The following SMCO1 variants were observed in gnomAD, a reference collection of about 807,000 sequenced individuals.
The protein encoded by SMCO1 is single-pass membrane protein with coiled-coil domains 1, also known as single-pass membrane and coiled-coil domain-containing protein 1.
In SMCO1, 9 loss-of-function variants were observed where a neutral mutation model predicts 7.5. The observed-to-expected ratio is 1.20, with a 90% CI of 0.72 to 2.09. The LOEUF (loss-of-function observed/expected upper bound fraction) is 2.09, where lower values mean the gene tolerates loss of function less well. SMCO1 is among the 30% of genes most tolerant of loss of function. The probability of loss-of-function intolerance (pLI) is 0.00; values close to 1 mark genes in which losing one functional copy is unlikely to be tolerated. For missense variants in SMCO1, 219 were observed against 253.1 expected (o/e 0.87, Z 0.91); for synonymous variants, 90 against 93.8 (o/e 0.96, Z 0.23).
intron 1 of SMCO1, 22 bp downstream of exon 1, chr3:196,515,138 C>G: frequency 1.2e-6 from 2 of 1,613,432 alleles, no homozygotes; most frequent in Non-Finnish European, 1.7e-6. Flanking sequence ...ATGCTTGCTC[C>G]CTCCCTATAG....
At chr3:196,512,868 C>T (rs551170794) in intron 1 of SMCO1, among the ~76,000 whole-genome samples, 47 of 152,284 alleles carry the variant, frequency 3.1e-4, no homozygotes, top group African/African-American at 1.1e-3. Flanking sequence ...TCAAACTCAA[C>T]TCTCCTAAGC....
At chr3:196,513,627 C>CAAAAAAAA (rs63105160) in intron 1 of SMCO1, among the ~76,000 whole-genome samples, 2 of 93,774 alleles carry the variant, frequency 2.1e-5, no homozygotes, top group Non-Finnish European at 2.0e-5. Context: ...GACTCTGTCT[C>CAAAAAAAA]AAAAAAAAAA....
chr3:196,515,449 A>G (rs754485504), upstream of SMCO1: 67 of 507,774 alleles, frequency 1.3e-4, no homozygotes, highest in Non-Finnish European at 2.2e-4. Context: ...GCACTATAAC[A>G]TTTGCCTTTG....
intron 1 of SMCO1, among the ~76,000 whole-genome samples, chr3:196,512,745 C>A (rs998935439): frequency 6.6e-6 from 1 of 151,772 alleles, no homozygotes; most frequent in South Asian, 2.1e-4. Flanking sequence ...TGACCTCAGG[C>A]GATCCGCCCA....
At chr3:196,509,496 A>G (rs1733158196) in intron 2 of SMCO1, 24 bp downstream of exon 2, 3 of 1,588,918 alleles carry the variant, frequency 1.9e-6, no homozygotes, top group African/African-American at 2.7e-5. Context: ...ACAGAATCCC[A>G]CTGATTTCTC....
At chr3:196,508,469 A>G (rs1230095747) in intron 2 of SMCO1, 138 bp from the exon 3 acceptor site, 17 of 697,268 alleles carry the variant, frequency 2.4e-5, no homozygotes, top group Admixed American at 3.5e-5. Flanking sequence ...TTACTTTAGA[A>G]TTTAAATTCA....
At chr3:196,512,509 C>CTTTTTTT (rs36023059) in intron 1 of SMCO1, among the ~76,000 whole-genome samples, 94 of 114,006 alleles carry the variant, frequency 8.2e-4, no homozygotes, top group African/African-American at 3.4e-3. Flanking sequence ...TATTTCCTTT[C>CTTTTTTT]TTTTTTTTTT....
intron 1 of SMCO1, among the ~76,000 whole-genome samples, chr3:196,510,061 G>A (rs2108661577): frequency 6.6e-6 from 1 of 152,208 alleles, no homozygotes; most frequent in East Asian, 1.9e-4. Flanking sequence ...CTACCTCCCA[G>A]GCTCAAGTGA....
intron 1 of SMCO1, among the ~76,000 whole-genome samples, chr3:196,511,411 G>C (rs1261462444): frequency 7.5e-6 from 1 of 133,196 alleles, no homozygotes; most frequent in Non-Finnish European, 1.7e-5. Context: ...AAACCTGCCT[G>C]GGCCACCTAG....
Position 196,515,284 on chromosome 3 carries a change from T to A in SMCO1, c.-75A>T. The A allele has an allele frequency of 8.8e-7, 1 of 1,139,846 alleles. No homozygotes were observed. Among genetic ancestry groups the A allele is most frequent in the Non-Finnish European group, 1.3e-6 (1 of 754,704 alleles). The allele number at this position is 1,139,846 out of a possible 1,614,324, so 70.6% of individuals were successfully genotyped here. On this transcript the variant is annotated 5_prime_UTR_variant, in exon 1 of 3. Coordinates refer to ENST00000397537, the MANE Select transcript of SMCO1 (RefSeq NM_001077657.3). ...GCAATAAATGTTTGAATCCAGAATT[T>A]TCTGCGGTCTTCCTCTCAGCAACAG...
rs192922385 is a variant in SMCO1 at position 196,508,766 on chromosome 3, G to T, written c.201-435C>A. Among the ~76,000 whole-genome samples, 3 of 149,730 alleles carry T rather than the reference G, an allele frequency of 2.0e-5. 1 individual carries two copies. In the South Asian group the frequency reaches 6.4e-4, roughly 32 times the overall value. On this transcript the variant is annotated intron_variant, in intron 2 of 2. Transcript: ENST00000397537. Reference sequence around the variant, plus strand: ...AGCCTGGCCAACATGGTGAAACCCCGTCTCTACTAAAAATACAAAAATTAG... The same window carrying T: ...AGCCTGGCCAACATGGTGAAACCCCTTCTCTACTAAAAATACAAAAATTAG...
chr3:196,514,287 C>G (rs73075040), intron 1 of SMCO1, among the ~76,000 whole-genome samples: 2 of 152,042 alleles, frequency 1.3e-5, no homozygotes, highest in African/African-American at 2.4e-5. Flanking sequence ...ACCAATTACA[C>G]GAGACATCTA....
intron 2 of SMCO1, among the ~76,000 whole-genome samples, chr3:196,508,998 T>C (rs73075031): frequency 0.087 from 13,040 of 149,848 alleles, 1,991 homozygotes; most frequent in African/African-American, 0.31. Context: ...GCAAGAGACT[T>C]TGTGATGAGA....
chr3:196,519,899 G>T (rs1560287468), upstream of SMCO1, among the ~76,000 whole-genome samples: 1 of 152,070 alleles, frequency 6.6e-6, no homozygotes. Flanking sequence ...CATTTAACAA[G>T]GTGCCAGGAC....
rs563321499 is a variant in SMCO1 at position 196,512,003 on chromosome 3, C to T, written c.51-2334G>A. The stretch of plus-strand genomic sequence containing the variant: ...TTGTTGTTATGAGGGAAACCTGCCT[C>T]GGCCACCTACATTGTCCTTATGAGG... On this transcript the variant is annotated intron_variant, in intron 1 of 2. Coordinates refer to ENST00000397537, the MANE Select transcript of SMCO1 (RefSeq NM_001077657.3). 8.2e-4 allele frequency among the ~76,000 whole-genome samples: 81 copies of T among 98,480 alleles called. 2 individuals carry two copies. Among genetic ancestry groups the T allele is most frequent in the Middle Eastern group, 0.015 (2 of 136 alleles). 64.6% of individuals were successfully genotyped at this position (98,480 alleles called of 152,430 possible).
At chr3:196,518,291 C>T (rs1341191515), upstream of SMCO1, among the ~76,000 whole-genome samples, 1 of 152,232 alleles carries the variant, frequency 6.6e-6, no homozygotes, top group Non-Finnish European at 1.5e-5. Context: ...CTGCTTTCTG[C>T]TAAAGGGGGT....
intron 1 of SMCO1, 102 bp downstream of exon 1, chr3:196,515,058 G>T: frequency 1.5e-6 from 2 of 1,371,182 alleles, no homozygotes; most frequent in South Asian, 1.2e-5. Context: ...GAATTCTAAT[G>T]AGCATGTCTG....
At chr3:196,518,477 G>C (rs1733432839), upstream of SMCO1, among the ~76,000 whole-genome samples, 1 of 152,190 alleles carries the variant, frequency 6.6e-6, no homozygotes, top group Non-Finnish European at 1.5e-5. Context: ...ACGATGCTCA[G>C]CTAGTTTTTG....
rs929033255 is a variant in SMCO1 at position 196,507,517 on chromosome 3, T to C, written c.*370A>G. ...CCCCTAGCCTCTTAGCTTTCTTTCC[T>C]GACAACTAATGTTATCACTGTCTTG... On this transcript the variant is annotated 3_prime_UTR_variant, in exon 3 of 3. Coordinates refer to ENST00000397537, the MANE Select transcript of SMCO1 (RefSeq NM_001077657.3). The C allele has an allele frequency of 6.6e-6, 1 of 152,392 alleles. No homozygotes were observed. Among genetic ancestry groups the C allele is most frequent in the African/African-American group, 2.4e-5 (1 of 41,460 alleles). 9.4% of individuals were successfully genotyped at this position (152,392 alleles called of 1,614,324 possible).
Sources: allele counts gnomAD v4.1 joint callset (sites outside exome capture counted in the v4.1 genomes callset), GRCh38; gene constraint gnomAD v4.1.1; transcripts MANE v1.5; gene names NCBI Gene and HGNC (gene_info 2026-07-23, HGNC 2026-07-21).